PTPRR: variants seen among roughly 807,000 people sequenced by gnomAD.
The protein encoded by PTPRR is protein tyrosine phosphatase receptor type R.
PTPRR carries 38 observed loss-of-function variants against 77.2 expected under a neutral mutation model. The observed-to-expected ratio is 0.49, with a 90% CI of 0.38 to 0.65. PTPRR has a LOEUF of 0.65. Ranked by LOEUF, PTPRR falls within the 30% of genes least tolerant of loss-of-function variation. PTPRR has a pLI of 0.00. For synonymous variants in PTPRR, 299 were observed against 283.1 expected (o/e 1.06, Z -0.57); for missense variants, 744 against 799.2 (o/e 0.93, Z 0.83).
At chr12:70,793,892 T>C (rs1438159764) in intron 2 of PTPRR, among the ~76,000 whole-genome samples, 6 of 152,244 alleles carry the variant, frequency 3.9e-5, no homozygotes. Context: ...ACTAAATGGC[T>C]GGTATCATTG....
chr12:70,823,492 T>C (rs17814494), intron 2 of PTPRR, among the ~76,000 whole-genome samples: 1 of 152,160 alleles, frequency 6.6e-6, no homozygotes, highest in Non-Finnish European at 1.5e-5. Flanking sequence ...CTCCTCTATA[T>C]TCCCAGAGTG....
At chr12:70,674,768 T>C in intron 10 of PTPRR, among the ~76,000 whole-genome samples, 1 of 152,148 alleles carries the variant, frequency 6.6e-6, no homozygotes. Context: ...AAAGGTTATG[T>C]ATAAACTTTT....
At chr12:70,848,254 C>T (rs749446029) in intron 2 of PTPRR, among the ~76,000 whole-genome samples, 1 of 152,140 alleles carries the variant, frequency 6.6e-6, no homozygotes, top group African/African-American at 2.4e-5. Flanking sequence ...AATAGTTATC[C>T]GGTTCTATGA....
intron 13 of PTPRR, 112 bp from the exon 14 acceptor site, chr12:70,639,389 G>A (rs532524926): frequency 3.6e-5 from 50 of 1,396,392 alleles, no homozygotes; most frequent in Middle Eastern, 2.2e-4. Flanking sequence ...TAGAACAGTC[G>A]ACCTAGTGGT....
At chr12:70,648,392 A>C (rs1886277056) in intron 13 of PTPRR, among the ~76,000 whole-genome samples, 1 of 152,204 alleles carries the variant, frequency 6.6e-6, no homozygotes, top group Non-Finnish European at 1.5e-5. Context: ...CTCTGCAATC[A>C]CTGAATTCCA....
intron 2 of PTPRR, among the ~76,000 whole-genome samples, chr12:70,857,032 C>A (rs1892664083): frequency 6.6e-6 from 1 of 152,016 alleles, no homozygotes; most frequent in Admixed American, 6.6e-5. Context: ...AGGCAAATGT[C>A]TATGAAATGG....
chr12:70,874,884 T>G (rs903283869), intron 2 of PTPRR, among the ~76,000 whole-genome samples: 8 of 129,134 alleles, frequency 6.2e-5, no homozygotes, highest in African/African-American at 1.2e-4. Context: ...ATCGGGCCAC[T>G]GCACTCCAGC....
chr12:70,912,165 A>C (rs1419171208), intron 1 of PTPRR, among the ~76,000 whole-genome samples: 5 of 152,214 alleles, frequency 3.3e-5, no homozygotes, highest in African/African-American at 4.8e-5. Context: ...CTTTCAACCT[A>C]ACTAACTCAC....
chr12:70,672,929 T>A, intron 10 of PTPRR: 2 of 1,494,570 alleles, frequency 1.3e-6, no homozygotes, highest in Admixed American at 1.9e-5. Context: ...CCCAGGGAAA[T>A]GTCGAATGCC....
At position 70,857,823 on chromosome 12, in the gene PTPRR, A is replaced by G. The variant is rs138403119; in HGVS notation, c.357+34856T>C. ...TAGAAGGCAAGAACATAACTCAATTATATTGTTTTTGACAATATACTGCAA... is the reference window on the plus strand; with the variant it reads ...TAGAAGGCAAGAACATAACTCAATTGTATTGTTTTTGACAATATACTGCAA... On this transcript the variant is annotated intron_variant, in intron 2 of 13. Transcript: ENST00000283228. 4.0e-3 allele frequency among the ~76,000 whole-genome samples: 606 copies of G among 152,232 alleles called. 1 individual carries two copies. The highest frequency in any genetic ancestry group is 7.1e-3 in the Admixed American group (109 of 15,266).
chr12:70,829,515 A>G (rs544992637), intron 2 of PTPRR, among the ~76,000 whole-genome samples: 79 of 152,310 alleles, frequency 5.2e-4, no homozygotes, highest in African/African-American at 1.9e-3. Context: ...TTCTGTGTTC[A>G]TTGATGGTGG....
chr12:70,824,562 T>C (rs1892076698), intron 2 of PTPRR, among the ~76,000 whole-genome samples: 1 of 152,192 alleles, frequency 6.6e-6, no homozygotes, highest in Non-Finnish European at 1.5e-5. Context: ...CAGCCTGGAT[T>C]ACAGACAATG....
At chr12:70,840,464 C>T (rs893057544) in intron 2 of PTPRR, among the ~76,000 whole-genome samples, 3 of 152,176 alleles carry the variant, frequency 2.0e-5, no homozygotes, top group Non-Finnish European at 2.9e-5. Context: ...TAAAGCAACA[C>T]ATTCGCAGTT....
At chr12:70,791,132 T>C (rs1208809720) in intron 2 of PTPRR, among the ~76,000 whole-genome samples, 1 of 152,188 alleles carries the variant, frequency 6.6e-6, no homozygotes, top group African/African-American at 2.4e-5. Context: ...ATCATGTCAG[T>C]ACTTTTTAAA....
At chr12:70,919,673 GTTTTTTT>G (rs58439089) in intron 1 of PTPRR, among the ~76,000 whole-genome samples, 8 of 110,082 alleles carry the variant, frequency 7.3e-5, no homozygotes, top group African/African-American at 1.2e-4. Flanking sequence ...AACTGTAATT[GTTTTTTT>G]TTTTTTTTTT....
rs191862927 is a variant in PTPRR, at chr12:70,745,919, G to A, written c.906C>T (p.Val302=). ...GAGCACCTCGGCCTTGAGGGTCCACGACAACATTCAGTACCTTTGGGGCCT... is the reference window on the plus strand; with the variant it reads ...GAGCACCTCGGCCTTGAGGGTCCACAACAACATTCAGTACCTTTGGGGCCT... ...PEQAPKVLNV[V]VDPQGRGAPE... Residue 302 remains valine (V), a synonymous_variant, in exon 6 of 14, where the codon GTC becomes GTT. Coordinates refer to ENST00000283228, the MANE Select transcript of PTPRR (RefSeq NM_002849.4). 1.5e-5 allele frequency: 24 copies of A among 1,614,094 alleles called. No individual in the cohort carries two copies. In the East Asian group the frequency reaches 3.1e-4, roughly 21 times the overall value.
intron 1 of PTPRR, among the ~76,000 whole-genome samples, chr12:70,909,850 G>A (rs1034114259): frequency 6.6e-6 from 1 of 152,204 alleles, no homozygotes; most frequent in African/African-American, 2.4e-5. Flanking sequence ...GTTGCCCGTG[G>A]TGGCAGTGCC....
intron 2 of PTPRR, among the ~76,000 whole-genome samples, chr12:70,828,969 A>G (rs1423345208): frequency 6.6e-6 from 1 of 152,140 alleles, no homozygotes; most frequent in Non-Finnish European, 1.5e-5. Flanking sequence ...CGGGGATACA[A>G]AGTCTAATGA....
intron 2 of PTPRR, among the ~76,000 whole-genome samples, chr12:70,799,430 G>A (rs1437916380): frequency 3.3e-5 from 5 of 152,072 alleles, no homozygotes; most frequent in Admixed American, 3.3e-4. Context: ...CTTCATCTTT[G>A]TGTATTGAGC....
Sources: gnomAD v4.1 joint callset for allele counts (sites outside exome capture counted in the v4.1 genomes callset) on GRCh38, gnomAD v4.1.1 for gene constraint, MANE v1.5 for transcripts, NCBI Gene and HGNC (gene_info 2026-07-23, HGNC 2026-07-21) for gene names.